The following DPP6 variants were observed in gnomAD, a reference collection of about 807,000 sequenced individuals.
DPP6 encodes dipeptidyl peptidase like 6.
In DPP6, 69 loss-of-function variants were observed where a neutral mutation model predicts 122.6. The ratio of observed to expected loss-of-function variants is 0.56; its 90% CI spans 0.46 to 0.69. DPP6 has a LOEUF of 0.69. Ranked by LOEUF, DPP6 falls within the 30% of genes least tolerant of loss-of-function variation. The pLI, the probability that DPP6 is intolerant of heterozygous loss-of-function variation, is 0.00. For synonymous variants in DPP6, 418 were observed against 433.1 expected, an observed-to-expected ratio of 0.97 and a Z score of 0.43; for missense variants, 928 against 1,116.9, an observed-to-expected ratio of 0.83 and a Z score of 2.41.
intron 1 of DPP6, among the ~76,000 whole-genome samples, chr7:154,237,890 A>G (rs1223263881): frequency 2.0e-5 from 3 of 152,178 alleles, no homozygotes; most frequent in African/African-American, 7.2e-5. Flanking sequence ...GTGTAAGTCC[A>G]TCTCTGGGCA....
intron 7 of DPP6, among the ~76,000 whole-genome samples, chr7:154,711,947 C>CACACACACACACACA (rs1554443056): frequency 6.7e-6 from 1 of 150,092 alleles, no homozygotes; most frequent in Non-Finnish European, 1.5e-5. Context: ...AATACACACA[C>CACACACACACACACA]ACACACACAC....
the DPP6 span, among the ~76,000 whole-genome samples, chr7:153,868,758 A>G: frequency 6.6e-6 from 1 of 151,990 alleles, no homozygotes; most frequent in Non-Finnish European, 1.5e-5. Context: ...TGTCAATTTT[A>G]GATCTTTCCT....
intron 1 of DPP6, among the ~76,000 whole-genome samples, chr7:154,154,388 T>C (rs1349027571): frequency 1.3e-5 from 2 of 152,248 alleles, no homozygotes; most frequent in African/African-American, 2.4e-5. Flanking sequence ...TGGACAATAA[T>C]AATGATAATT....
chr7:154,137,269 T>A (rs1181594933), intron 1 of DPP6, among the ~76,000 whole-genome samples: 2 of 152,096 alleles, frequency 1.3e-5, no homozygotes, highest in African/African-American at 4.8e-5. Flanking sequence ...GTAATTATTT[T>A]ATGAGTGAAG....
chr7:154,337,248 C>G (rs7806382), intron 1 of DPP6, among the ~76,000 whole-genome samples: 3,366 of 152,258 alleles, frequency 0.022, 128 homozygotes, highest in African/African-American at 0.077. Context: ...CCAAATGGAA[C>G]CCTCGTTTGT....
chr7:154,572,055 T>C (rs1021944310), intron 5 of DPP6, among the ~76,000 whole-genome samples: 1 of 152,136 alleles, frequency 6.6e-6, no homozygotes, highest in Non-Finnish European at 1.5e-5. Context: ...AGGGCCCAAA[T>C]GCCATCCTTA....
At position 154,889,601 on chromosome 7, in the gene DPP6, G is replaced by T. The variant is rs529627575; in HGVS notation, c.2451+71G>T. On this transcript the variant is annotated intron_variant, in intron 25 of 25. Coordinates refer to ENST00000377770, the MANE Select transcript of DPP6 (RefSeq NM_130797.4). ...CCTTTCATGGAGAAAGACCTGACGG[G>T]TGTTCAGGGCCTTCTACTGCAGCAG... 8.8e-5 allele frequency: 137 copies of T among 1,551,396 alleles called. 1 individual carries two copies. The South Asian group carries it at 1.5e-3, about 17-fold the overall frequency.
chr7:154,230,056 T>TGGATAATG (rs1563343002), intron 1 of DPP6, among the ~76,000 whole-genome samples: 1 of 152,098 alleles, frequency 6.6e-6, no homozygotes, highest in Non-Finnish European at 1.5e-5. Context: ...TAAAGGAAAG[T>TGGATAATG]TAGAGTTTGC....
chr7:154,284,144 TG>T (rs1377485529), intron 1 of DPP6, among the ~76,000 whole-genome samples: 1 of 152,102 alleles, frequency 6.6e-6, no homozygotes, highest in Non-Finnish European at 1.5e-5. Flanking sequence ...GGAACCCCAC[TG>T]GGTCTTCTGT....
chr7:154,321,257 ACAGAGC>A, intron 1 of DPP6, among the ~76,000 whole-genome samples: 1 of 151,604 alleles, frequency 6.6e-6, no homozygotes, highest in African/African-American at 2.4e-5. Context: ...AGCCTAGGTG[ACAGAGC>A]CAGACCCTGT....
intron 12 of DPP6, 172 bp downstream of exon 12, chr7:154,796,055 G>C: frequency 9.1e-7 from 1 of 1,103,896 alleles, no homozygotes; most frequent in South Asian, 2.0e-5. Context: ...CGTTCTCCAG[G>C]GTTGCCCAGA....
chr7:154,190,517 T>C (rs1798565489), intron 1 of DPP6, among the ~76,000 whole-genome samples: 1 of 152,214 alleles, frequency 6.6e-6, no homozygotes, highest in Non-Finnish European at 1.5e-5. Flanking sequence ...AGTTAAAAGG[T>C]ACTTAAGTAT....
intron 2 of DPP6, among the ~76,000 whole-genome samples, chr7:154,456,409 C>G (rs1283646814): frequency 6.6e-6 from 1 of 152,202 alleles, no homozygotes; most frequent in African/African-American, 2.4e-5. Flanking sequence ...TTTAATCAGT[C>G]TCTTTCTTGC....
intron 1 of DPP6, among the ~76,000 whole-genome samples, chr7:153,989,180 GGTGTGA>G (rs535234754): frequency 2.5e-3 from 364 of 143,002 alleles, no homozygotes; most frequent in African/African-American, 9.0e-3. Flanking sequence ...TGCGGGAGAG[GGTGTGA>G]GTGTGAGTGG....
chr7:154,744,877 C>T (rs961587567), intron 8 of DPP6, among the ~76,000 whole-genome samples: 3 of 152,186 alleles, frequency 2.0e-5, no homozygotes, highest in African/African-American at 7.2e-5. Flanking sequence ...CCAGGGAGCA[C>T]AGCCAGGCAC....
chr7:154,303,884 C>T (rs2150983875), intron 1 of DPP6, among the ~76,000 whole-genome samples: 1 of 152,300 alleles, frequency 6.6e-6, no homozygotes, highest in East Asian at 1.9e-4. Context: ...CAGTGCCTTG[C>T]ATTTTGCTGG....
At chr7:154,502,708 A>G (rs1232210063) in intron 3 of DPP6, among the ~76,000 whole-genome samples, 5 of 152,170 alleles carry the variant, frequency 3.3e-5, no homozygotes, top group African/African-American at 1.2e-4. Context: ...GACTAATACA[A>G]CTTATGAGTT....
chr7:154,351,030 A>G (rs1336867725), intron 1 of DPP6, among the ~76,000 whole-genome samples: 4 of 152,118 alleles, frequency 2.6e-5, no homozygotes, highest in Non-Finnish European at 5.9e-5. Context: ...TCCAAATGGA[A>G]AATTTGAGGT....
At chr7:154,767,620 CTG>C (rs1795989421) in intron 8 of DPP6, among the ~76,000 whole-genome samples, 1 of 152,178 alleles carries the variant, frequency 6.6e-6, no homozygotes, top group African/African-American at 2.4e-5. Flanking sequence ...GCTTCTGAGG[CTG>C]TGAGACAGAC....
Sources: gnomAD v4.1 joint callset for allele counts (sites outside exome capture counted in the v4.1 genomes callset) on GRCh38, gnomAD v4.1.1 for gene constraint, MANE v1.5 for transcripts, NCBI Gene and HGNC (gene_info 2026-07-23, HGNC 2026-07-21) for gene names.